Variants in RTF2 observed in about 807,000 individuals in gnomAD.
RTF2 encodes the protein UPF0549 protein C20orf43.
RTF2 carries 18 observed loss-of-function variants against 38.0 expected under a neutral mutation model. The observed-to-expected ratio is 0.47, with a 90% CI of 0.33 to 0.70. The LOEUF (loss-of-function observed/expected upper bound fraction) is 0.70. RTF2 is among the 30% of genes least tolerant of loss of function. RTF2 has a pLI of 0.02. For missense variants in RTF2, 311 were observed against 379.6 expected (o/e 0.82, Z 1.50); for synonymous variants, 126 against 137.1 (o/e 0.92, Z 0.57).
At chr20:56,497,750 A>G (rs931079784) in intron 5 of RTF2, 2 of 427,022 alleles carry the variant, frequency 4.7e-6, no homozygotes, top group Admixed American at 9.2e-5. Context: ...ACATATACAC[A>G]CCCATGAAAC....
At chr20:56,471,108 C>G (rs563871613) in intron 1 of RTF2, among the ~76,000 whole-genome samples, 1 of 152,248 alleles carries the variant, frequency 6.6e-6, no homozygotes, top group African/African-American at 2.4e-5. Flanking sequence ...GGACTGAGCC[C>G]TTAACCTTTG....
chr20:56,477,916 T>A (rs1243251860), intron 4 of RTF2, among the ~76,000 whole-genome samples: 1 of 152,222 alleles, frequency 6.6e-6, no homozygotes, highest in Non-Finnish European at 1.5e-5. Flanking sequence ...GCTAACAGAT[T>A]CTCTGGCTGT....
intron 1 of RTF2, chr20:56,472,299 A>C (rs1199809806): frequency 1.2e-5 from 15 of 1,240,046 alleles, no homozygotes; most frequent in Non-Finnish European, 1.7e-5. Context: ...TTTTCTTCCA[A>C]ATGTGCTGTC....
At chr20:56,474,627 G>T in intron 2 of RTF2, 51 bp from the exon 3 acceptor site, 3 of 1,170,196 alleles carry the variant, frequency 2.6e-6, no homozygotes, top group Non-Finnish European at 2.4e-6. Flanking sequence ...TCCTTCTTTG[G>T]TTATTTGAAA....
intron 5 of RTF2, among the ~76,000 whole-genome samples, chr20:56,503,453 C>T (rs531562644): frequency 2.6e-5 from 4 of 152,130 alleles, no homozygotes; most frequent in Non-Finnish European, 4.4e-5. Context: ...GAATCTGCCT[C>T]TCATGTGAGG....
chr20:56,486,886 C>T (rs1982824499), intron 5 of RTF2, among the ~76,000 whole-genome samples: 1 of 151,982 alleles, frequency 6.6e-6, no homozygotes, highest in Non-Finnish European at 1.5e-5. Context: ...AGATGAGTGG[C>T]AGGTGTGATC....
chr20:56,495,169 G>A (rs769412995), intron 5 of RTF2: 2 of 1,444,976 alleles, frequency 1.4e-6, no homozygotes, highest in South Asian at 2.4e-5. Flanking sequence ...AAAATTTGAA[G>A]CCTTTTTTGT....
chr20:56,498,626 G>A (rs961148917), intron 5 of RTF2, among the ~76,000 whole-genome samples: 2 of 152,132 alleles, frequency 1.3e-5, no homozygotes, highest in Non-Finnish European at 2.9e-5. Context: ...TACATGAATA[G>A]GTGTAGCAAT....
intron 5 of RTF2, chr20:56,496,947 A>T: frequency 6.4e-7 from 1 of 1,551,498 alleles, no homozygotes; most frequent in South Asian, 1.2e-5. Flanking sequence ...TTTGCTTCTG[A>T]TGTAGTGTAT....
chr20:56,509,878 C>T (rs1984527826), intron 5 of RTF2, among the ~76,000 whole-genome samples: 1 of 152,058 alleles, frequency 6.6e-6, no homozygotes, highest in African/African-American at 2.4e-5. Flanking sequence ...GGAAACAACT[C>T]TGTCAGCTGA....
chr20:56,491,553 C>T (rs1401523679), intron 5 of RTF2: 4 of 1,525,306 alleles, frequency 2.6e-6, no homozygotes, highest in Non-Finnish European at 3.6e-6. Context: ...AAAGCAAACA[C>T]TCCCTAGCGG....
At chr20:56,507,504 C>T (rs1019569819) in intron 5 of RTF2, among the ~76,000 whole-genome samples, 1 of 152,156 alleles carries the variant, frequency 6.6e-6, no homozygotes, top group African/African-American at 2.4e-5. Context: ...TGAGGGGTTC[C>T]TGACTTCTTA....
chr20:56,482,316 T>C (rs1053441403), intron 4 of RTF2, among the ~76,000 whole-genome samples: 1 of 152,222 alleles, frequency 6.6e-6, no homozygotes, highest in Non-Finnish European at 1.5e-5. Flanking sequence ...TTAAATCAAC[T>C]CAGGATTACA....
chr20:56,505,947 A>C (rs1389906441), intron 5 of RTF2, among the ~76,000 whole-genome samples: 1 of 152,174 alleles, frequency 6.6e-6, no homozygotes, highest in Non-Finnish European at 1.5e-5. Flanking sequence ...TATGTTTCTT[A>C]ATCCAAGCCA....
rs559226049 is a variant in RTF2, at chr20:56,496,582, T to A, written c.477+12393T>A. 38 of 1,440,932 alleles carry A rather than the reference T, an allele frequency of 2.6e-5. No homozygotes were observed. In the South Asian group the frequency reaches 3.3e-4, roughly 12 times the overall value. The allele number at this position is 1,440,932 out of a possible 1,614,324, so 89.3% of individuals were successfully genotyped here. On this transcript the variant is annotated intron_variant, in intron 5 of 8. Transcript: ENST00000357348. Reference sequence around the variant, plus strand: ...CAGTCAATCAATCAATCAATCAATCTATCTGCTGCTGTTGCTGCTGACTGC... The same window carrying A: ...CAGTCAATCAATCAATCAATCAATCAATCTGCTGCTGTTGCTGCTGACTGC...
Position 56,497,490 on chromosome 20 carries a change from G to C in RTF2, c.477+13301G>C, listed in dbSNP as rs541206688. On this transcript the variant is annotated intron_variant, in intron 5 of 8. Transcript: ENST00000357348. ...GTAAAAGCCACATTCTACTACTTCTGGTTGGGCAGGTTCTTCTTCTGATTC... is the reference window on the plus strand; with the variant it reads ...GTAAAAGCCACATTCTACTACTTCTCGTTGGGCAGGTTCTTCTTCTGATTC... The C allele has an allele frequency of 5.4e-6, 8 of 1,491,658 alleles. No homozygotes were observed. The African/African-American group carries it at 1.1e-4, about 21-fold the overall frequency. 92.4% of individuals were successfully genotyped at this position (1,491,658 alleles called of 1,614,324 possible).
chr20:56,491,529 A>G (rs1480361356), intron 5 of RTF2: 4 of 1,347,878 alleles, frequency 3.0e-6, no homozygotes, highest in Non-Finnish European at 4.2e-6. Flanking sequence ...AGGAAACAGA[A>G]TGATACCAGT....
intron 5 of RTF2, chr20:56,491,769 C>G: frequency 6.4e-7 from 1 of 1,551,494 alleles, no homozygotes. Flanking sequence ...ACGCAGATGT[C>G]TTCGACGTAG....
intron 5 of RTF2, chr20:56,497,303 CAG>C (rs1026864148): frequency 3.7e-5 from 57 of 1,550,750 alleles, no homozygotes; most frequent in Middle Eastern, 3.3e-4. Flanking sequence ...CTTCTGCAGA[CAG>C]GGGTCTGGTT....
Sources: gnomAD v4.1 joint callset for allele counts (sites outside exome capture counted in the v4.1 genomes callset) on GRCh38, gnomAD v4.1.1 for gene constraint, MANE v1.5 for transcripts, NCBI Gene and HGNC (gene_info 2026-07-23, HGNC 2026-07-21) for gene names.